GPC5: variants seen among roughly 807,000 people sequenced by gnomAD.
The protein encoded by GPC5 is glypican-5.
GPC5 carries 47 observed loss-of-function variants against 53.9 expected under a neutral mutation model. The ratio of observed to expected loss-of-function variants is 0.87; its 90% confidence interval spans 0.69 to 1.11. The LOEUF (loss-of-function observed/expected upper bound fraction) is 1.11. GPC5 is among the 50% of genes most tolerant of loss of function. GPC5 has a pLI of 0.00. For synonymous variants in GPC5, 286 were observed against 263.3 expected, an observed-to-expected ratio of 1.09 and a Z score of -0.84; for missense variants, 748 against 713.1, an observed-to-expected ratio of 1.05 and a Z score of -0.56.
rs570943193 is a variant in GPC5 at position 91,585,906 on chromosome 13, A to G, written c.326-107281A>G. 9.2e-5 allele frequency among the ~76,000 whole-genome samples: 14 copies of G among 152,240 alleles called. No individual in the cohort carries two copies. The South Asian group carries it at 2.5e-3, about 27-fold the overall frequency. On this transcript the variant is annotated intron_variant, in intron 2 of 7. Coordinates refer to ENST00000377067, the MANE Select transcript of GPC5 (RefSeq NM_004466.6). ...TTGAAAAAAGAAAAAACAAGAAACT[A>G]TATTCTTCTTTAAAGAATTGATTTC... is the stretch of plus-strand genomic sequence containing the variant.
At chr13:91,550,748 C>G (rs190993131) in intron 2 of GPC5, among the ~76,000 whole-genome samples, 1 of 152,046 alleles carries the variant, frequency 6.6e-6, no homozygotes, top group Non-Finnish European at 1.5e-5. Context: ...AATAATCCCA[C>G]ATGTCAAGGG....
intron 7 of GPC5, among the ~76,000 whole-genome samples, chr13:92,413,934 A>G (rs988086941): frequency 7.2e-5 from 11 of 152,200 alleles, no homozygotes; most frequent in Non-Finnish European, 1.6e-4. Flanking sequence ...TAATCTATCA[A>G]AATTTTCCAT....
intron 7 of GPC5, among the ~76,000 whole-genome samples, chr13:92,255,712 T>A (rs1448392694): frequency 6.6e-5 from 10 of 152,186 alleles, no homozygotes; most frequent in African/African-American, 2.4e-4. Flanking sequence ...AGCATAGAGA[T>A]AAATTTCTGC....
chr13:91,610,892 G>A (rs575655500), intron 2 of GPC5, among the ~76,000 whole-genome samples: 65 of 152,170 alleles, frequency 4.3e-4, no homozygotes, highest in Non-Finnish European at 8.8e-4. Flanking sequence ...TAAATGTAGT[G>A]TCATCTAAGA....
At chr13:92,302,290 A>C (rs1017672751) in intron 7 of GPC5, among the ~76,000 whole-genome samples, 1 of 152,170 alleles carries the variant, frequency 6.6e-6, no homozygotes, top group Admixed American at 6.5e-5. Context: ...GGAAAAGAAT[A>C]AAGGACCCTG....
chr13:91,916,983 T>A (rs2039665956), intron 6 of GPC5, among the ~76,000 whole-genome samples: 1 of 152,138 alleles, frequency 6.6e-6, no homozygotes, highest in Admixed American at 6.5e-5. Flanking sequence ...CTTCCAAATC[T>A]CAAGTCCTCA....
At chr13:91,894,962 C>T (rs1036432553) in intron 5 of GPC5, among the ~76,000 whole-genome samples, 3 of 151,522 alleles carry the variant, frequency 2.0e-5, no homozygotes, top group African/African-American at 7.3e-5. Context: ...AAAGCAATTG[C>T]CAGGAAAGAT....
At chr13:92,346,424 GC>G (rs2043412986) in intron 7 of GPC5, among the ~76,000 whole-genome samples, 1 of 152,168 alleles carries the variant, frequency 6.6e-6, no homozygotes, top group Non-Finnish European at 1.5e-5. Flanking sequence ...GCAGAACTCA[GC>G]TAGCAGCCCC....
chr13:92,862,471 C>T (rs1394018849), intron 7 of GPC5, among the ~76,000 whole-genome samples: 1 of 151,956 alleles, frequency 6.6e-6, no homozygotes, highest in Non-Finnish European at 1.5e-5. Flanking sequence ...GTCCTGCTCC[C>T]AGCATTCCAT....
At chr13:91,808,838 T>C (rs2038265118) in intron 5 of GPC5, among the ~76,000 whole-genome samples, 1 of 152,168 alleles carries the variant, frequency 6.6e-6, no homozygotes, top group African/African-American at 2.4e-5. Flanking sequence ...AAAAATTTCA[T>C]GAGGCAATAA....
chr13:92,617,661 T>C (rs547698966), intron 7 of GPC5, among the ~76,000 whole-genome samples: 1 of 152,322 alleles, frequency 6.6e-6, no homozygotes, highest in South Asian at 2.1e-4. Flanking sequence ...TGTTATTCAC[T>C]ATTGCATTAA....
At chr13:92,142,964 G>A (rs2041842137) in intron 6 of GPC5, among the ~76,000 whole-genome samples, 1 of 152,018 alleles carries the variant, frequency 6.6e-6, no homozygotes, top group East Asian at 1.9e-4. Context: ...AATGTGTTCT[G>A]GATATTTAAA....
chr13:92,334,080 G>A (rs1307993881), intron 7 of GPC5, among the ~76,000 whole-genome samples: 2 of 152,148 alleles, frequency 1.3e-5, no homozygotes, highest in African/African-American at 2.4e-5. Context: ...ATCACAGCAA[G>A]GTTGTAGGAA....
At chr13:92,236,120 T>C (rs1426153936) in intron 7 of GPC5, among the ~76,000 whole-genome samples, 3 of 152,094 alleles carry the variant, frequency 2.0e-5, no homozygotes, top group African/African-American at 4.8e-5. Context: ...TTTAATAGAA[T>C]CTTCTTCAAA....
At chr13:91,680,292 T>C (rs1286268044) in intron 2 of GPC5, among the ~76,000 whole-genome samples, 4 of 151,860 alleles carry the variant, frequency 2.6e-5, no homozygotes, top group African/African-American at 9.7e-5. Context: ...CTACTGAAAA[T>C]ACAAAAATTA....
intron 5 of GPC5, among the ~76,000 whole-genome samples, chr13:91,851,949 C>T (rs913983645): frequency 1.6e-4 from 24 of 149,794 alleles, no homozygotes; most frequent in African/African-American, 5.9e-4. Context: ...TGAATAATGC[C>T]GCAATAAACA....
intron 7 of GPC5, among the ~76,000 whole-genome samples, chr13:92,210,532 C>A (rs372860995): frequency 1.3e-5 from 2 of 152,048 alleles, no homozygotes; most frequent in African/African-American, 4.8e-5. Context: ...TATCTTCAGG[C>A]GAACTAGTGA....
At chr13:91,851,969 ATG>A (rs2038919248) in intron 5 of GPC5, among the ~76,000 whole-genome samples, 1 of 150,766 alleles carries the variant, frequency 6.6e-6, no homozygotes, top group South Asian at 2.1e-4. Context: ...ATACGCGTGC[ATG>A]TGTCTTTATA....
chr13:92,429,517 A>G (rs1876992461), intron 7 of GPC5, among the ~76,000 whole-genome samples: 2 of 151,908 alleles, frequency 1.3e-5, no homozygotes, highest in African/African-American at 2.4e-5. Context: ...TATAATCACA[A>G]AAGATTTTTT....
Sources: gnomAD v4.1 joint callset for allele counts (sites outside exome capture counted in the v4.1 genomes callset) on GRCh38, gnomAD v4.1.1 for gene constraint, MANE v1.5 for transcripts, NCBI Gene and HGNC (gene_info 2026-07-23, HGNC 2026-07-21) for gene names.